Variants in RANBP2 observed in about 807,000 individuals in gnomAD.
The protein encoded by RANBP2 is E3 SUMO-protein ligase RanBP2.
In RANBP2, 57 loss-of-function variants were observed where a neutral mutation model predicts 303.6. The ratio of observed to expected loss-of-function variants is 0.19; its 90% CI spans 0.15 to 0.23. The LOEUF (loss-of-function observed/expected upper bound fraction) is 0.23. Among genes scored for constraint, RANBP2 ranks in the 10% least tolerant of loss-of-function variants. RANBP2 has a pLI of 1.00. For synonymous variants in RANBP2, 1,167 were observed against 1,301.5 expected (o/e 0.90, Z 2.23); for missense variants, 3,138 against 3,780.8 (o/e 0.83, Z 4.46).
chr2:108,975,084 C>G, the RANBP2 span, among the ~76,000 whole-genome samples: 2 of 152,202 alleles, frequency 1.3e-5, no homozygotes, highest in Admixed American at 1.3e-4. Flanking sequence ...CGGAGCCTAG[C>G]CCCAAGTGCC....
chr2:109,055,539 T>TTTCTG, the RANBP2 span, among the ~76,000 whole-genome samples: 1 of 151,506 alleles, frequency 6.6e-6, no homozygotes, highest in East Asian at 1.9e-4. Flanking sequence ...TTTCTTTTCT[T>TTTCTG]TTCTTTTCTT....
chr2:109,197,648 T>C, the RANBP2 span, among the ~76,000 whole-genome samples: 12 of 152,306 alleles, frequency 7.9e-5, no homozygotes, highest in South Asian at 2.5e-3. Context: ...TATTTACCTT[T>C]GCATTTGTGT....
At chr2:108,991,304 A>C in the RANBP2 span, among the ~76,000 whole-genome samples, 1 of 152,248 alleles carries the variant, frequency 6.6e-6, no homozygotes, top group Non-Finnish European at 1.5e-5. Flanking sequence ...TTCATCATGT[A>C]AAGCTCCAGA....
Position 108,765,309 on chromosome 2 carries a change from G to C in RANBP2, c.4770G>C (p.Glu1590Asp), listed in dbSNP as rs890366590. The C allele has an allele frequency of 2.5e-6, 4 of 1,614,060 alleles. No homozygotes were observed. The highest frequency in any genetic ancestry group is 3.4e-6 in the Non-Finnish European group (4 of 1,179,942). Residue 1590 changes from glutamate to aspartate, a missense_variant, in exon 20 of 29, where the codon GAG becomes GAC. Around this residue, in one of 20 missense-constraint regions of RANBP2, gnomAD observed 28 missense variants for 43.2 expected, o/e 0.65. Coordinates refer to ENST00000283195, the MANE Select transcript of RANBP2 (RefSeq NM_006267.5). ...APASFKFGTS[E>D]TSKAPKSGFE... ...CCTCTTTTAAGTTTGGTACTTCAGA[G>C]ACAAGCAAGGCTCCAAAGAGCGGAT... is the stretch of plus-strand genomic sequence containing the variant.
the RANBP2 span, among the ~76,000 whole-genome samples, chr2:109,510,723 G>C: frequency 2.0e-5 from 3 of 152,226 alleles, no homozygotes; most frequent in African/African-American, 7.2e-5. Context: ...CCTGGGCTGG[G>C]GAAGGGCCCC....
chr2:108,800,896 C>T, the RANBP2 span, among the ~76,000 whole-genome samples: 42 of 117,752 alleles, frequency 3.6e-4, no homozygotes, highest in Non-Finnish European at 1.8e-4. Context: ...TTTGTTCTTG[C>T]GATAGTTTAC....
chr2:108,859,029 G>T, the RANBP2 span, among the ~76,000 whole-genome samples: 22 of 152,196 alleles, frequency 1.4e-4, no homozygotes, highest in Middle Eastern at 3.4e-3. Context: ...TTTCCTTTGG[G>T]TATATACCCA....
At chr2:109,520,461 G>C in the RANBP2 span, among the ~76,000 whole-genome samples, 4 of 151,928 alleles carry the variant, frequency 2.6e-5, no homozygotes, top group African/African-American at 9.7e-5. Context: ...TTAGCCGGGG[G>C]TGGTGGCACA....
intron 4 of RANBP2, among the ~76,000 whole-genome samples, chr2:108,732,387 T>G (rs1695237931): frequency 6.6e-6 from 1 of 152,162 alleles, no homozygotes; most frequent in Admixed American, 6.5e-5. Flanking sequence ...AAGGAAATGC[T>G]CATTGGAGAA....
the RANBP2 span, among the ~76,000 whole-genome samples, chr2:109,596,567 AGATCGCGCC>A: frequency 2.6e-5 from 4 of 152,066 alleles, no homozygotes; most frequent in Non-Finnish European, 5.9e-5. Flanking sequence ...CAGTGAGCAG[AGATCGCGCC>A]GCTGCACTCC....
the RANBP2 span, among the ~76,000 whole-genome samples, chr2:109,511,266 G>A: frequency 6.6e-6 from 1 of 152,200 alleles, no homozygotes; most frequent in Non-Finnish European, 1.5e-5. Flanking sequence ...AGTGCTCCCT[G>A]AAGCCTGACT....
At chr2:109,509,347 C>T in the RANBP2 span, among the ~76,000 whole-genome samples, 2 of 152,164 alleles carry the variant, frequency 1.3e-5, no homozygotes, top group Admixed American at 6.5e-5. Context: ...ATCAAAATAC[C>T]ATGCACTGCG....
At chr2:109,155,747 C>T in the RANBP2 span, among the ~76,000 whole-genome samples, 1 of 152,182 alleles carries the variant, frequency 6.6e-6, no homozygotes, top group Admixed American at 6.5e-5. Flanking sequence ...AAAGGGAGTT[C>T]CCACATCCTG....
At chr2:109,412,169 C>G in the RANBP2 span, among the ~76,000 whole-genome samples, 18 of 152,368 alleles carry the variant, frequency 1.2e-4, no homozygotes, top group African/African-American at 4.1e-4. Context: ...GTCCACGATG[C>G]GTGTGCTCCG....
At chr2:108,789,986 GAA>G (rs898258910), downstream of RANBP2, among the ~76,000 whole-genome samples, 2 of 152,146 alleles carry the variant, frequency 1.3e-5, no homozygotes, top group Non-Finnish European at 2.9e-5. Context: ...ATTGTGGAGA[GAA>G]AAAATAATTA....
the RANBP2 span, among the ~76,000 whole-genome samples, chr2:109,498,192 C>G: frequency 6.6e-6 from 1 of 152,280 alleles, no homozygotes; most frequent in East Asian, 1.9e-4. Flanking sequence ...GAGTCTGGTT[C>G]GCCGGCAGAT....
the RANBP2 span, among the ~76,000 whole-genome samples, chr2:109,147,699 T>G: frequency 5.9e-5 from 9 of 152,240 alleles, no homozygotes; most frequent in South Asian, 1.7e-3. Context: ...TTCCGGCTTC[T>G]GGGTCTTAGG....
the RANBP2 span, chr2:109,564,499 G>A: frequency 2.6e-5 from 40 of 1,554,912 alleles, no homozygotes; most frequent in East Asian, 1.1e-4. Context: ...AGCATTTCCC[G>A]CAGCTTTACA....
the RANBP2 span, among the ~76,000 whole-genome samples, chr2:109,656,485 G>A: frequency 6.8e-4 from 103 of 152,206 alleles, no homozygotes; most frequent in African/African-American, 2.4e-3. Flanking sequence ...TCACAGGTAT[G>A]TGCCACCATG....
Sources: allele counts gnomAD v4.1 joint callset (sites outside exome capture counted in the v4.1 genomes callset), GRCh38; gene constraint gnomAD v4.1.1; regional missense constraint gnomAD v4.1.1; transcripts MANE v1.5; gene names NCBI Gene and HGNC (gene_info 2026-07-23, HGNC 2026-07-21).